The following MYOM1 variants were observed in gnomAD, a reference collection of about 807,000 sequenced individuals.
MYOM1 encodes the protein myomesin-1.
In MYOM1, 164 loss-of-function variants were observed where a neutral mutation model predicts 205.3. That is an observed-to-expected ratio of 0.80 (90% CI 0.70 to 0.91). The LOEUF is 0.91. Among genes scored for constraint, MYOM1 ranks in the 40% least tolerant of loss-of-function variants. MYOM1 has a pLI of 0.00. For synonymous variants in MYOM1, 772 were observed against 789.4 expected (o/e 0.98, Z 0.37); for missense variants, 2,011 against 2,127.3 (o/e 0.95, Z 1.08).
At chr18:3,069,858 G>A (rs2043042277) in intron 37 of MYOM1, among the ~76,000 whole-genome samples, 7 of 152,210 alleles carry the variant, frequency 4.6e-5, no homozygotes, top group Admixed American at 4.6e-4. Context: ...GACCTAGAGA[G>A]TTGTATATTT....
intron 5 of MYOM1, among the ~76,000 whole-genome samples, chr18:3,182,654 TG>T (rs1407723293): frequency 6.6e-6 from 1 of 152,194 alleles, no homozygotes; most frequent in African/African-American, 2.4e-5. Flanking sequence ...TAGCTTTTCT[TG>T]GGTTCTTCCA....
At chr18:3,244,463 AAT>A in the MYOM1 span, among the ~76,000 whole-genome samples, 1 of 152,194 alleles carries the variant, frequency 6.6e-6, no homozygotes, top group Non-Finnish European at 1.5e-5. Flanking sequence ...GGTCGGCCCT[AAT>A]TCCATTAACA....
intron 2 of MYOM1, among the ~76,000 whole-genome samples, chr18:3,212,728 C>T (rs553501293): frequency 6.6e-6 from 1 of 152,352 alleles, no homozygotes; most frequent in South Asian, 2.1e-4. Context: ...TTCTCTATTA[C>T]ATGTGCTTTC....
chr18:3,157,142 T>A (rs1258726569), intron 10 of MYOM1, among the ~76,000 whole-genome samples: 1 of 152,154 alleles, frequency 6.6e-6, no homozygotes, highest in Non-Finnish European at 1.5e-5. Flanking sequence ...CCTGCATTGA[T>A]AGAGCAGAGC....
At chr18:3,238,502 G>GT in the MYOM1 span, among the ~76,000 whole-genome samples, 1 of 152,130 alleles carries the variant, frequency 6.6e-6, no homozygotes, top group African/African-American at 2.4e-5. Context: ...TCGAGAACCA[G>GT]TGAGTACAGG....
chr18:3,201,405 A>T (rs1409814518), intron 2 of MYOM1, among the ~76,000 whole-genome samples: 2 of 152,090 alleles, frequency 1.3e-5, no homozygotes, highest in African/African-American at 4.8e-5. Flanking sequence ...CGTCTCAAAA[A>T]AAAAAAGAAA....
At chr18:3,114,916 G>C (rs1203803069) in intron 21 of MYOM1, among the ~76,000 whole-genome samples, 1 of 151,756 alleles carries the variant, frequency 6.6e-6, no homozygotes, top group Non-Finnish European at 1.5e-5. Context: ...TTAAAAATGA[G>C]TGACATTAAC....
intron 5 of MYOM1, among the ~76,000 whole-genome samples, chr18:3,185,076 C>A (rs893580464): frequency 6.6e-6 from 1 of 152,234 alleles, no homozygotes; most frequent in Non-Finnish European, 1.5e-5. Context: ...TTGGTCATCT[C>A]CTATTTTTCC....
At chr18:3,237,192 T>C in the MYOM1 span, among the ~76,000 whole-genome samples, 2 of 152,172 alleles carry the variant, frequency 1.3e-5, no homozygotes, top group African/African-American at 4.8e-5. Context: ...CCCATGTTCA[T>C]AGCAGCACTA....
At chr18:3,143,674 G>A (rs1003587883) in intron 13 of MYOM1, among the ~76,000 whole-genome samples, 1 of 152,106 alleles carries the variant, frequency 6.6e-6, no homozygotes, top group Admixed American at 6.6e-5. Context: ...GCCAAGGCAG[G>A]TGAATCGCTT....
At chr18:3,124,003 AT>A (rs1228700487) in intron 19 of MYOM1, among the ~76,000 whole-genome samples, 1 of 150,876 alleles carries the variant, frequency 6.6e-6, no homozygotes, top group African/African-American at 2.5e-5. Flanking sequence ...CTCCTGGCTA[AT>A]TTTTGTATTT....
At chr18:3,184,703 CTG>C (rs2080786214) in intron 5 of MYOM1, among the ~76,000 whole-genome samples, 1 of 152,204 alleles carries the variant, frequency 6.6e-6, no homozygotes, top group African/African-American at 2.4e-5. Context: ...GGCAAGGAGA[CTG>C]TGAAATGCTC....
At chr18:3,233,948 A>T in the MYOM1 span, among the ~76,000 whole-genome samples, 1 of 152,258 alleles carries the variant, frequency 6.6e-6, no homozygotes, top group South Asian at 2.1e-4. Flanking sequence ...TCACAGATCA[A>T]TATAGCACAG....
intron 29 of MYOM1, among the ~76,000 whole-genome samples, chr18:3,086,825 T>C (rs1385621356): frequency 1.3e-5 from 2 of 152,138 alleles, no homozygotes; most frequent in East Asian, 1.9e-4. Context: ...TCAAATTGTA[T>C]GAAAAAGTAA....
At chr18:3,191,862 A>AT (rs59605779) in intron 3 of MYOM1, among the ~76,000 whole-genome samples, 2 of 151,630 alleles carry the variant, frequency 1.3e-5, no homozygotes, top group African/African-American at 4.9e-5. Flanking sequence ...CGCCCGGCTA[A>AT]TTTTTTTGTA....
At chr18:3,216,139 G>C (rs1445299096) in intron 1 of MYOM1, among the ~76,000 whole-genome samples, 1 of 152,140 alleles carries the variant, frequency 6.6e-6, no homozygotes, top group African/African-American at 2.4e-5. Flanking sequence ...ATGGTGGTGG[G>C]CACCTGTAGT....
intron 10 of MYOM1, among the ~76,000 whole-genome samples, chr18:3,160,027 T>C (rs1314158334): frequency 6.7e-6 from 1 of 149,222 alleles, no homozygotes; most frequent in African/African-American, 2.5e-5. Context: ...TTCTTCTCCT[T>C]CTCCTCTTCC....
Position 3,149,207 on chromosome 18 carries a change from T to C in MYOM1, c.1844-6A>G. On this transcript the variant is annotated splice_region_variant and splice_polypyrimidine_tract_variant and intron_variant, in intron 12 of 37. Coordinates refer to ENST00000356443, the MANE Select transcript of MYOM1 (RefSeq NM_003803.4). The stretch of plus-strand genomic sequence containing the variant: ...CCAGGGTGCTGAGGGGCGACCTGAA[T>C]AAAGACAAATATAAGAATCACAAAC... 1 of 1,609,454 alleles carries C rather than the reference T, an allele frequency of 6.2e-7. No individual in the cohort carries two copies. The highest frequency in any genetic ancestry group is 8.5e-7 in the Non-Finnish European group (1 of 1,177,866).
chr18:3,070,409 C>T (rs2078946177), intron 37 of MYOM1, among the ~76,000 whole-genome samples: 1 of 152,112 alleles, frequency 6.6e-6, no homozygotes, highest in Admixed American at 6.5e-5. Context: ...GCCTTGGCCT[C>T]CCAAAGTGCT....
Sources: allele counts gnomAD v4.1 joint callset (sites outside exome capture counted in the v4.1 genomes callset), GRCh38; gene constraint gnomAD v4.1.1; transcripts MANE v1.5; gene names NCBI Gene and HGNC (gene_info 2026-07-23, HGNC 2026-07-21).